The following NDST4 variants were observed in gnomAD, a reference collection of about 807,000 sequenced individuals.
The protein encoded by NDST4 is N-heparan sulfate sulfotransferase 4.
NDST4 carries 63 observed loss-of-function variants against 100.8 expected under a neutral mutation model. That is an observed-to-expected ratio of 0.62 (90% CI 0.51 to 0.77). The LOEUF (loss-of-function observed/expected upper bound fraction) is 0.77, where lower values mean the gene tolerates loss of function less well. Ranked by LOEUF, NDST4 falls within the 30% of genes least tolerant of loss-of-function variation. NDST4 has a pLI of 0.00. For missense variants in NDST4, 943 were observed against 1,018.4 expected, an observed-to-expected ratio of 0.93 and a Z score of 1.01; for synonymous variants, 377 against 361.8, an observed-to-expected ratio of 1.04 and a Z score of -0.48.
chr4:114,958,893 C>G (rs964295943), intron 4 of NDST4, among the ~76,000 whole-genome samples: 1 of 152,104 alleles, frequency 6.6e-6, no homozygotes, highest in Non-Finnish European at 1.5e-5. Flanking sequence ...CAAACCATAT[C>G]TTTGTGAATG....
intron 11 of NDST4, among the ~76,000 whole-genome samples, chr4:114,836,146 C>A (rs1723300906): frequency 6.6e-6 from 1 of 152,146 alleles, no homozygotes; most frequent in African/African-American, 2.4e-5. Flanking sequence ...GAATTTGATT[C>A]TGTTATCATG....
At chr4:115,042,217 A>G (rs1728365949) in intron 2 of NDST4, among the ~76,000 whole-genome samples, 1 of 152,072 alleles carries the variant, frequency 6.6e-6, no homozygotes. Flanking sequence ...TTGTCCCTGG[A>G]TGTGAATTAT....
intron 6 of NDST4, among the ~76,000 whole-genome samples, chr4:114,901,117 T>A (rs1724828814): frequency 6.6e-6 from 1 of 152,020 alleles, no homozygotes; most frequent in South Asian, 2.1e-4. Context: ...CGGTGTATTA[T>A]GCTGTTGTTT....
At chr4:114,850,841 G>C (rs1390524444) in intron 8 of NDST4, among the ~76,000 whole-genome samples, 1 of 152,128 alleles carries the variant, frequency 6.6e-6, no homozygotes, top group Non-Finnish European at 1.5e-5. Flanking sequence ...ATTTGACTCT[G>C]AATGATGAAG....
intron 2 of NDST4, among the ~76,000 whole-genome samples, chr4:115,038,359 G>A (rs1368908264): frequency 1.3e-5 from 2 of 152,210 alleles, no homozygotes; most frequent in Non-Finnish European, 2.9e-5. Context: ...AAAAGGATAA[G>A]ACAATGGAAA....
chr4:115,113,514 A>C lies in NDST4; in HGVS notation c.-317T>G, dbSNP rs1298054934. On this transcript the variant is annotated 5_prime_UTR_variant, in exon 1 of 14. Transcript: ENST00000264363. ...TCCCGTGTTAGAACATGAGATATCCAGTATTCAGGTTCACTTGGCTCCAGG... is the reference window on the plus strand; with the variant it reads ...TCCCGTGTTAGAACATGAGATATCCCGTATTCAGGTTCACTTGGCTCCAGG... 3 of 151,974 alleles carry C rather than the reference A, an allele frequency of 2.0e-5. No individual in the cohort carries two copies. The highest frequency in any genetic ancestry group is 2.0e-4 in the Admixed American group (3 of 15,218). The allele number at this position is 151,974 out of a possible 1,614,324, so 9.4% of individuals were successfully genotyped here.
rs78685905 is a variant in NDST4 at position 115,016,645 on chromosome 4, T to C, written c.979-39371A>G. On this transcript the variant is annotated intron_variant, in intron 2 of 13. Transcript: ENST00000264363. The stretch of plus-strand genomic sequence containing the variant: ...TGGTGATTGATCCTATTGGGGGATA[T>C]TGGATAGTACTCCACAATGGAGGAA... 8.1e-3 allele frequency among the ~76,000 whole-genome samples: 1,225 copies of C among 152,128 alleles called. 15 individuals are homozygous for C. Among genetic ancestry groups the C allele is most frequent in the African/African-American group, 0.026 (1,070 of 41,522 alleles).
At chr4:114,886,281 G>T (rs371493082) in intron 6 of NDST4, among the ~76,000 whole-genome samples, 20 of 152,178 alleles carry the variant, frequency 1.3e-4, no homozygotes, top group African/African-American at 4.6e-4. Context: ...TGTCTTACGT[G>T]GTAGAAAAAG....
At chr4:114,988,570 C>T (rs1336014701) in intron 2 of NDST4, among the ~76,000 whole-genome samples, 1 of 151,544 alleles carries the variant, frequency 6.6e-6, no homozygotes, top group African/African-American at 2.4e-5. Context: ...ACTGTGTTAG[C>T]CAGGATGGTC....
At chr4:115,096,683 G>T (rs138491315) in intron 1 of NDST4, among the ~76,000 whole-genome samples, 349 of 152,112 alleles carry the variant, frequency 2.3e-3, no homozygotes, top group African/African-American at 8.2e-3. Context: ...CTCCCATGTA[G>T]CAATAATATT....
At chr4:114,974,128 A>G (rs1360174853) in intron 3 of NDST4, among the ~76,000 whole-genome samples, 1 of 152,082 alleles carries the variant, frequency 6.6e-6, no homozygotes, top group Admixed American at 6.6e-5. Context: ...AGATATTATT[A>G]TCCCCATTTG....
chr4:114,848,372 G>A (rs1723601208), intron 8 of NDST4, 34 bp from the exon 9 acceptor site: 1 of 1,439,714 alleles, frequency 6.9e-7, no homozygotes, highest in East Asian at 2.4e-5. Flanking sequence ...AGGTTATATG[G>A]CAATAAGAGA....
intron 2 of NDST4, among the ~76,000 whole-genome samples, chr4:115,058,064 G>A (rs750388183): frequency 5.9e-5 from 9 of 152,056 alleles, no homozygotes; most frequent in Admixed American, 1.3e-4. Context: ...TTTATTTCAC[G>A]TTCTGTTAAT....
intron 2 of NDST4, among the ~76,000 whole-genome samples, chr4:115,038,248 CT>C (rs1403835044): frequency 6.6e-6 from 1 of 152,132 alleles, no homozygotes; most frequent in African/African-American, 2.4e-5. Flanking sequence ...ATGTTTATTA[CT>C]TTGCTATCCT....
At chr4:115,070,655 G>A (rs1729056138) in intron 2 of NDST4, among the ~76,000 whole-genome samples, 1 of 152,048 alleles carries the variant, frequency 6.6e-6, no homozygotes, top group Admixed American at 6.6e-5. Flanking sequence ...CCTTACAAAA[G>A]GACATTGATT....
At chr4:114,984,295 C>T (rs1311459108) in intron 2 of NDST4, among the ~76,000 whole-genome samples, 3 of 152,034 alleles carry the variant, frequency 2.0e-5, no homozygotes, top group Admixed American at 6.6e-5. Context: ...TCTCCTGCCT[C>T]AGCCTCCTGA....
chr4:115,013,346 CATATATATATAT>C (rs200801455), intron 2 of NDST4, among the ~76,000 whole-genome samples: 2 of 65,350 alleles, frequency 3.1e-5, no homozygotes, highest in Non-Finnish European at 6.5e-5. Flanking sequence ...ATATAAATAC[CATATATATATAT>C]ATATATATAT....
At chr4:114,983,044 AC>A (rs1308687696) in intron 2 of NDST4, among the ~76,000 whole-genome samples, 1 of 152,076 alleles carries the variant, frequency 6.6e-6, no homozygotes. Context: ...AGATTTGGGA[AC>A]CTTCACCTGG....
intron 7 of NDST4, among the ~76,000 whole-genome samples, chr4:114,867,665 C>CAAAAAAAAAAAAA: frequency 2.0e-4 from 16 of 79,900 alleles, no homozygotes; most frequent in South Asian, 5.7e-4. Context: ...AAAAAAAAAG[C>CAAAAAAAAAAAAA]AAAAAAAAAA....
Sources: gnomAD v4.1 joint callset for allele counts (sites outside exome capture counted in the v4.1 genomes callset) on GRCh38, gnomAD v4.1.1 for gene constraint, MANE v1.5 for transcripts, NCBI Gene and HGNC (gene_info 2026-07-23, HGNC 2026-07-21) for gene names.